The following CADM1 variants were observed in gnomAD, a reference collection of about 807,000 sequenced individuals.
CADM1 encodes TSLC-1.
In CADM1, 15 loss-of-function variants were observed where a neutral mutation model predicts 53.1. The observed-to-expected ratio is 0.28, with a 90% confidence interval of 0.19 to 0.44. The LOEUF is 0.44. Ranked by LOEUF, CADM1 falls within the 20% of genes least tolerant of loss-of-function variation. The pLI, the probability that CADM1 is intolerant of heterozygous loss-of-function variation, is 1.00. For missense variants in CADM1, 434 were observed against 611.3 expected, an observed-to-expected ratio of 0.71 and a Z score of 3.06; for synonymous variants, 281 against 243.0, an observed-to-expected ratio of 1.16 and a Z score of -1.45.
At chr11:115,413,431 T>G (rs909041866) in intron 1 of CADM1, among the ~76,000 whole-genome samples, 5 of 152,134 alleles carry the variant, frequency 3.3e-5, no homozygotes, top group Non-Finnish European at 7.4e-5. Context: ...CTCCTAACAT[T>G]TATTGAGTGC....
At chr11:115,337,311 T>G (rs1945293163) in intron 1 of CADM1, among the ~76,000 whole-genome samples, 1 of 152,188 alleles carries the variant, frequency 6.6e-6, no homozygotes, top group Admixed American at 6.6e-5. Flanking sequence ...CATTAGGTGT[T>G]GCAGGTAACA....
At chr11:115,311,919 T>C (rs369220592) in intron 1 of CADM1, among the ~76,000 whole-genome samples, 21 of 152,180 alleles carry the variant, frequency 1.4e-4, no homozygotes, top group East Asian at 5.8e-4. Flanking sequence ...TAAAGGAATG[T>C]CATCAGATTA....
In CADM1 at chr11:115,328,676, A is replaced by G. The variant is rs549451788; in HGVS notation, c.125-88256T>C. On this transcript the variant is annotated intron_variant, in intron 1 of 11. Coordinates refer to ENST00000331581, the MANE Select transcript of CADM1 (RefSeq NM_001301043.2). ...ATATACACACGCACACTATATATAT[A>G]TGTGTATATATATGTGTATATATAT... 2.5e-4 allele frequency among the ~76,000 whole-genome samples: 26 copies of G among 104,836 alleles called. 2 individuals are homozygous for G. In the East Asian group the frequency reaches 4.6e-3, roughly 19 times the overall value. 68.8% of individuals were successfully genotyped at this position (104,836 alleles called of 152,430 possible). A position where few individuals can be genotyped will look rare whatever the true frequency, so the allele number is the denominator to read the frequency against.
At chr11:115,307,230 T>C (rs1944399300) in intron 1 of CADM1, among the ~76,000 whole-genome samples, 1 of 152,004 alleles carries the variant, frequency 6.6e-6, no homozygotes, top group African/African-American at 2.4e-5. Context: ...AAAGTAAGTG[T>C]TGGCTATACT....
At chr11:115,503,880 G>A (rs1949791388) in intron 1 of CADM1, among the ~76,000 whole-genome samples, 1 of 152,124 alleles carries the variant, frequency 6.6e-6, no homozygotes, top group Admixed American at 6.5e-5. Flanking sequence ...TGGGAGGTGG[G>A]AGGACCTGCA....
At chr11:115,457,419 G>T (rs1948703933) in intron 1 of CADM1, among the ~76,000 whole-genome samples, 1 of 152,000 alleles carries the variant, frequency 6.6e-6, no homozygotes, top group Non-Finnish European at 1.5e-5. Context: ...ACTTAGCCAG[G>T]GTAAGAACTC....
chr11:115,470,536 T>A (rs1383964150), intron 1 of CADM1, among the ~76,000 whole-genome samples: 1 of 152,210 alleles, frequency 6.6e-6, no homozygotes, highest in Non-Finnish European at 1.5e-5. Flanking sequence ...CAAGTAATAT[T>A]TCTTACCATT....
At chr11:115,238,682 G>T (rs1286171242) in intron 2 of CADM1, 30 bp from the exon 3 acceptor site, 2 of 1,610,096 alleles carry the variant, frequency 1.2e-6, no homozygotes, top group Non-Finnish European at 1.7e-6. Context: ...GTTAGTGATT[G>T]TGAGAAGGTG....
chr11:115,360,960 C>A lies in CADM1; in HGVS notation c.125-120540G>T, dbSNP rs367939521. Among the ~76,000 whole-genome samples the A allele has an allele frequency of 6.8e-4, 103 of 152,328 alleles. No individual in the cohort carries two copies. The South Asian group carries it at 0.013, about 19-fold the overall frequency. On this transcript the variant is annotated intron_variant, in intron 1 of 11. Coordinates refer to ENST00000331581, the MANE Select transcript of CADM1 (RefSeq NM_001301043.2). Reference sequence around the variant, plus strand: ...CACGGCAATCACTATTTACTGACTACATAGGTACTAGGCATTCAGAGTATT... The same window carrying A: ...CACGGCAATCACTATTTACTGACTAAATAGGTACTAGGCATTCAGAGTATT...
chr11:115,331,995 AAATTTACTAAC>A (rs1274564989), intron 1 of CADM1, among the ~76,000 whole-genome samples: 2 of 151,950 alleles, frequency 1.3e-5, no homozygotes, highest in Non-Finnish European at 2.9e-5. Context: ...AGTTTTTATG[AAATTTACTAAC>A]AATGCCCAGG....
At chr11:115,254,912 A>G (rs1591646151) in intron 1 of CADM1, among the ~76,000 whole-genome samples, 1 of 152,106 alleles carries the variant, frequency 6.6e-6, no homozygotes, top group South Asian at 2.1e-4. Flanking sequence ...CCAGGGAATG[A>G]TTACACCTGT....
Position 115,400,328 on chromosome 11 carries a change from G to A in CADM1, c.124+103943C>T, listed in dbSNP as rs190707910. Among the ~76,000 whole-genome samples, 272 of 149,204 alleles carry A rather than the reference G, an allele frequency of 1.8e-3. 2 individuals carry two copies. Among genetic ancestry groups the A allele is most frequent in the Non-Finnish European group, 3.9e-4 (26 of 66,758 alleles). ...AAGTGAAAGAGTGTGGTTTTGCTGCGTGAAGAAACAGAATAGAATAAAACA... is the reference window on the plus strand; with the variant it reads ...AAGTGAAAGAGTGTGGTTTTGCTGCATGAAGAAACAGAATAGAATAAAACA... On this transcript the variant is annotated intron_variant, in intron 1 of 11. Coordinates refer to ENST00000331581, the MANE Select transcript of CADM1 (RefSeq NM_001301043.2).
At chr11:115,354,211 C>G (rs992885272) in intron 1 of CADM1, among the ~76,000 whole-genome samples, 5 of 152,106 alleles carry the variant, frequency 3.3e-5, no homozygotes, top group African/African-American at 9.7e-5. Flanking sequence ...TTACTAAGGA[C>G]CTACTATGTG....
intron 1 of CADM1, among the ~76,000 whole-genome samples, chr11:115,476,719 T>A (rs771648674): frequency 6.6e-6 from 1 of 152,174 alleles, no homozygotes; most frequent in Non-Finnish European, 1.5e-5. Context: ...ACTTCCTAGT[T>A]AAAAACTCTC....
chr11:115,447,785 C>CA (rs1948484205), intron 1 of CADM1, among the ~76,000 whole-genome samples: 1 of 152,178 alleles, frequency 6.6e-6, no homozygotes, highest in Non-Finnish European at 1.5e-5. Flanking sequence ...TTTTCCCCAG[C>CA]ATATTAGAGG....
At chr11:115,351,502 T>C (rs1021093006) in intron 1 of CADM1, among the ~76,000 whole-genome samples, 3 of 152,224 alleles carry the variant, frequency 2.0e-5, no homozygotes, top group African/African-American at 7.2e-5. Flanking sequence ...TCTAGCAAGC[T>C]GATCTAAGAG....
intron 1 of CADM1, among the ~76,000 whole-genome samples, chr11:115,482,892 TG>T (rs1281881028): frequency 1.3e-5 from 2 of 152,246 alleles, no homozygotes; most frequent in African/African-American, 4.8e-5. Flanking sequence ...TATTAAGATT[TG>T]GAAGTTAATT....
chr11:115,338,877 ATTTTTTTTTTTTTAATT>A (rs1430187488), intron 1 of CADM1, among the ~76,000 whole-genome samples: 1 of 127,744 alleles, frequency 7.8e-6, no homozygotes, highest in African/African-American at 2.9e-5. Context: ...TATTTTTTTT[ATTTTTTTTTTTTTAATT>A]TTTTTTTTTT....
intron 1 of CADM1, among the ~76,000 whole-genome samples, chr11:115,463,279 C>G (rs1029860706): frequency 6.6e-6 from 1 of 152,186 alleles, no homozygotes; most frequent in African/African-American, 2.4e-5. Context: ...TGAAACAATT[C>G]TATCCCCACC....
Sources: gnomAD v4.1 joint callset for allele counts (sites outside exome capture counted in the v4.1 genomes callset) on GRCh38, gnomAD v4.1.1 for gene constraint, MANE v1.5 for transcripts, NCBI Gene and HGNC (gene_info 2026-07-23, HGNC 2026-07-21) for gene names.